Variants in ITGAE observed in about 807,000 individuals in gnomAD.
ITGAE encodes the protein integrin alpha-E.
Under a neutral mutation model 136.5 loss-of-function variants are expected in ITGAE, and 99 were observed. The ratio of observed to expected loss-of-function variants is 0.73; its 90% CI spans 0.62 to 0.86. The LOEUF (loss-of-function observed/expected upper bound fraction) is 0.86. ITGAE is among the 40% of genes least tolerant of loss of function. ITGAE has a pLI of 0.00. For synonymous variants in ITGAE, 613 were observed against 591.8 expected (o/e 1.04, Z -0.52); for missense variants, 1,447 against 1,515.3 (o/e 0.95, Z 0.75).
intron 11 of ITGAE, 77 bp from the exon 12 acceptor site, chr17:3,755,338 C>T: frequency 7.0e-7 from 1 of 1,436,734 alleles, no homozygotes; most frequent in Admixed American, 2.7e-5. Context: ...GGTCTCCGGG[C>T]CAGCGCGGCT....
At chr17:3,746,049 C>G in intron 17 of ITGAE, 122 bp from the exon 18 acceptor site, 1 of 843,812 alleles carries the variant, frequency 1.2e-6, no homozygotes, top group Non-Finnish European at 1.8e-6. Flanking sequence ...GCAGGTACTT[C>G]CCTGCGGCTG....
At chr17:3,728,663 G>A (rs1431187624) in intron 24 of ITGAE, among the ~76,000 whole-genome samples, 1 of 149,416 alleles carries the variant, frequency 6.7e-6, no homozygotes, top group Non-Finnish European at 1.5e-5. Flanking sequence ...GTGAGCCACC[G>A]CACCTGGCCT....
chr17:3,723,570 C>T, intron 27 of ITGAE, 118 bp downstream of exon 27: 1 of 1,166,188 alleles, frequency 8.6e-7, no homozygotes, highest in Non-Finnish European at 1.2e-6. Context: ...CTAGGGAGGG[C>T]CTGGCAGCCC....
chr17:3,757,073 G>C lies in ITGAE; in HGVS notation c.1082C>G (p.Pro361Arg). ...ARELNLIASDPDETHAFKVTN... is the reference protein window; with the variant it reads ...ARELNLIASDRDETHAFKVTN... ...CACCTTGAAAGCATGGGTCTCATCCGGGTCTGAGGCGATCAGGTTCAGTTC... is the reference window on the plus strand; with the variant it reads ...CACCTTGAAAGCATGGGTCTCATCCCGGTCTGAGGCGATCAGGTTCAGTTC... Residue 361 changes from proline (P) to arginine (R), a missense_variant, in exon 10 of 31, where the codon CCG becomes CGG. Physicochemically the swap from Pro to Arg is moderately radical, Grantham distance 103. Coordinates refer to ENST00000263087, the MANE Select transcript of ITGAE (RefSeq NM_002208.5). 2 of 1,614,176 alleles carry C rather than the reference G, an allele frequency of 1.2e-6. No homozygotes were observed. Among genetic ancestry groups the C allele is most frequent in the South Asian group, 2.2e-5 (2 of 91,084 alleles).
chr17:3,769,101 G>T (rs974395517), intron 2 of ITGAE, among the ~76,000 whole-genome samples: 6 of 152,126 alleles, frequency 3.9e-5, no homozygotes, highest in Admixed American at 2.0e-4. Flanking sequence ...CCCCCAGGAA[G>T]GGTGGGGTCA....
chr17:3,729,766 T>C, intron 23 of ITGAE: 1 of 459,144 alleles, frequency 2.2e-6, no homozygotes. Context: ...AGTTAATTTT[T>C]GTATTTTTAG....
At chr17:3,743,674 A>G in intron 18 of ITGAE, 57 bp from the exon 19 acceptor site, 1 of 1,526,438 alleles carries the variant, frequency 6.6e-7, no homozygotes, top group South Asian at 1.2e-5. Context: ...GAAGATGACA[A>G]CAATAATGCT....
intron 27 of ITGAE, 53 bp from the exon 28 acceptor site, chr17:3,723,436 A>T: frequency 1.5e-6 from 2 of 1,341,340 alleles, no homozygotes; most frequent in South Asian, 2.3e-5. Context: ...GAAAGTCTGA[A>T]ATCTTTTTAA....
chr17:3,755,238 G>A lies in ITGAE; in HGVS notation c.1263C>T (p.Val421=), dbSNP rs2051992222. The change falls in exon 12 of 31, where the codon GTC becomes GTT. Residue 421 remains valine, a synonymous_variant. Coordinates refer to ENST00000263087, the MANE Select transcript of ITGAE (RefSeq NM_002208.5). ...LDERQVLLGA[V]GAFDWSGGAL... is the part of the protein sequence containing the mutation. Reference sequence around the variant, plus strand: ...CCCCTCCGGACCAGTCAAAGGCCCCGACGGCGCCGAGCAGCACCTGCCGCT... The same window carrying A: ...CCCCTCCGGACCAGTCAAAGGCCCCAACGGCGCCGAGCAGCACCTGCCGCT... 1.1e-5 allele frequency: 17 copies of A among 1,577,600 alleles called. No homozygotes were observed. Among genetic ancestry groups the A allele is most frequent in the African/African-American group, 2.7e-5 (2 of 74,586 alleles).
chr17:3,743,488 C>T lies in ITGAE; in HGVS notation c.2448+1G>A. 1 of 1,591,850 alleles carries T rather than the reference C, an allele frequency of 6.3e-7. No homozygotes were observed. Among genetic ancestry groups the T allele is most frequent in the Non-Finnish European group, 8.5e-7 (1 of 1,171,598 alleles). ...TGGGTACTGGCTGTGGGTAGAGTCA[C>T]CTGGAAGATGGCAAAGGGCTCAGTG... On this transcript the variant is annotated splice_donor_variant, in intron 19 of 30. Coordinates refer to ENST00000263087, the MANE Select transcript of ITGAE (RefSeq NM_002208.5). LOFTEE classifies it high-confidence loss of function.
intron 17 of ITGAE, among the ~76,000 whole-genome samples, chr17:3,746,662 G>A (rs1455701875): frequency 6.6e-6 from 1 of 152,100 alleles, no homozygotes; most frequent in African/African-American, 2.4e-5. Flanking sequence ...GTTTCACCAT[G>A]TTAGCCAGGA....
At chr17:3,746,486 C>T (rs1191571861) in intron 17 of ITGAE, among the ~76,000 whole-genome samples, 1 of 149,092 alleles carries the variant, frequency 6.7e-6, no homozygotes, top group Non-Finnish European at 1.5e-5. Context: ...GAGACAGAGT[C>T]TCGCTGTCAC....
intron 20 of ITGAE, among the ~76,000 whole-genome samples, chr17:3,735,578 G>A (rs956282183): frequency 6.6e-6 from 1 of 152,158 alleles, no homozygotes; most frequent in Non-Finnish European, 1.5e-5. Context: ...CCACAGTGCT[G>A]GGATTACAGG....
Position 3,723,690 on chromosome 17 carries a change from G to C in ITGAE, c.3139C>G (p.Gln1047Glu). The change falls in exon 27 of 31, where the codon CAG becomes GAG. Residue 1047 changes from glutamine (Q) to glutamate (E), a missense_variant and splice_region_variant. Gln to Glu is a conservative substitution (Grantham distance 29). Coordinates refer to ENST00000263087, the MANE Select transcript of ITGAE (RefSeq NM_002208.5). The part of the protein sequence containing the change: ...QERACAYSSV[Q>E]HVEEWHSVSC... ...CCTCTCGGGACGGCCGCGCTTACCTGAACCGAACTGTACGCACAAGCGCGC... is the reference window on the plus strand; with the variant it reads ...CCTCTCGGGACGGCCGCGCTTACCTCAACCGAACTGTACGCACAAGCGCGC... The C allele has an allele frequency of 6.3e-7, 1 of 1,596,992 alleles. No individual in the cohort carries two copies.
In ITGAE at chr17:3,777,613, GCCAGGGCCGGGCCA is replaced by G; in HGVS notation, c.68_81del (p.Val23AlafsTer49). 6.2e-7 allele frequency: 1 copy of G among 1,614,054 alleles called. No individual in the cohort carries two copies. Among genetic ancestry groups the G allele is most frequent in the Non-Finnish European group, 8.5e-7 (1 of 1,179,986 alleles). On this transcript the variant is annotated frameshift_variant, in exon 2 of 31. Transcript: ENST00000263087. LOFTEE classifies it high-confidence loss of function. ...AAAGGGGCACCTCCCTTGGGCGTGAGCCAGGGCCGGGCCACATCCACATTGAAAGCGGCCAGCAG... is the reference window on the plus strand; with the variant it reads ...AAAGGGGCACCTCCCTTGGGCGTGAGCATCCACATTGAAAGCGGCCAGCAG...
At chr17:3,726,720 CT>C (rs111318456) in intron 26 of ITGAE, 580 of 148,648 alleles carry the variant, frequency 3.9e-3, no homozygotes, top group South Asian at 6.4e-3. Flanking sequence ...TATAAACCCT[CT>C]TTTTTTTTTT....
At position 3,768,054 on chromosome 17, in the gene ITGAE, C is replaced by T. The variant is rs149907285; in HGVS notation, c.156-4094G>A. On this transcript the variant is annotated intron_variant, in intron 2 of 30. Transcript: ENST00000263087. ...CTTTTCAGACTTCTGGCCTCCAAAA[C>T]TACAAGAAAACTTCTATATTAATAG... is the stretch of plus-strand genomic sequence containing the variant. Among the ~76,000 whole-genome samples the T allele has an allele frequency of 4.4e-4, 67 of 152,304 alleles. 2 individuals carry two copies. The highest frequency in any genetic ancestry group is 1.4e-3 in the African/African-American group (58 of 41,556).
Position 3,788,679 on chromosome 17 carries a change from T to C in ITGAE, c.35-11019A>G, listed in dbSNP as rs1013024004. ...TTGTCCATTTTTCTGTATGTTGTAC[T>C]TTTAAAAAGTCTACATTAAAAATAA... On this transcript the variant is annotated intron_variant, in intron 1 of 30. Transcript: ENST00000263087. 2.1e-5 allele frequency among the ~76,000 whole-genome samples: 3 copies of C among 146,148 alleles called. No individual in the cohort carries two copies. In the East Asian group the frequency reaches 5.8e-4, roughly 28 times the overall value.
Position 3,739,894 on chromosome 17 carries a change from G to C in ITGAE, c.2449-16C>G, listed in dbSNP as rs767980192. 8 of 1,609,868 alleles carry C rather than the reference G, an allele frequency of 5.0e-6. No individual in the cohort carries two copies. Among genetic ancestry groups the C allele is most frequent in the Non-Finnish European group, 6.8e-6 (8 of 1,176,056 alleles). On this transcript the variant is annotated splice_polypyrimidine_tract_variant and intron_variant, in intron 19 of 30. Coordinates refer to ENST00000263087, the MANE Select transcript of ITGAE (RefSeq NM_002208.5). ...CATAGGGCAGCTGTAACCAGACAGA[G>C]AGTCCCGATCAGCCCAGGCTCCGCC...
Sources: allele counts gnomAD v4.1 joint callset (sites outside exome capture counted in the v4.1 genomes callset), GRCh38; gene constraint gnomAD v4.1.1; transcripts MANE v1.5; gene names NCBI Gene and HGNC (gene_info 2026-07-23, HGNC 2026-07-21).